The following NFIB variants were observed in gnomAD, a reference collection of about 807,000 sequenced individuals.
NFIB encodes nuclear factor 1 B-type.
NFIB carries 11 observed loss-of-function variants against 61.5 expected under a neutral mutation model. The observed-to-expected ratio is 0.18, with a 90% confidence interval of 0.11 to 0.30. The LOEUF (loss-of-function observed/expected upper bound fraction) is 0.30. Among genes scored for constraint, NFIB ranks in the 10% least tolerant of loss-of-function variants. The pLI, the probability that NFIB is intolerant of heterozygous loss-of-function variation, is 1.00. For missense variants in NFIB, 471 were observed against 608.9 expected, an observed-to-expected ratio of 0.77 and a Z score of 2.38; for synonymous variants, 260 against 216.5, an observed-to-expected ratio of 1.20 and a Z score of -1.76.
the NFIB span, among the ~76,000 whole-genome samples, chr9:14,512,777 T>C: frequency 4.6e-5 from 7 of 152,124 alleles, no homozygotes; most frequent in Admixed American, 2.0e-4. Flanking sequence ...TTTTCCTACC[T>C]CCCGTCTTTC....
chr9:14,503,124 A>ATGTG, the NFIB span, among the ~76,000 whole-genome samples: 6 of 148,180 alleles, frequency 4.0e-5, no homozygotes, highest in African/African-American at 1.5e-4. Flanking sequence ...ATGTGTGTGT[A>ATGTG]TGTGTGTGTG....
chr9:14,315,229 G>C (rs959092755), upstream of NFIB, among the ~76,000 whole-genome samples: 1 of 151,542 alleles, frequency 6.6e-6, no homozygotes, highest in East Asian at 2.0e-4. Flanking sequence ...GGTTCGTCCC[G>C]GGTCTGCCCA....
intron 6 of NFIB, among the ~76,000 whole-genome samples, chr9:14,135,447 G>T (rs1423921153): frequency 6.6e-6 from 1 of 152,188 alleles, no homozygotes; most frequent in Admixed American, 6.5e-5. Context: ...TGAAAATACA[G>T]TGAAGAAAAA....
At chr9:14,134,144 A>C (rs2040727057) in intron 6 of NFIB, among the ~76,000 whole-genome samples, 2 of 152,208 alleles carry the variant, frequency 1.3e-5, no homozygotes, top group Non-Finnish European at 2.9e-5. Context: ...AATGTTCTAT[A>C]AATTTCTGTC....
At chr9:14,200,076 C>G (rs988725321) in intron 2 of NFIB, among the ~76,000 whole-genome samples, 2 of 152,126 alleles carry the variant, frequency 1.3e-5, no homozygotes, top group African/African-American at 4.8e-5. Context: ...GCCCCTAGGT[C>G]TGAAGGCCTG....
the NFIB span, among the ~76,000 whole-genome samples, chr9:14,472,714 G>A: frequency 2.0e-5 from 3 of 151,878 alleles, no homozygotes; most frequent in Admixed American, 6.6e-5. Flanking sequence ...CGTGGCGGGC[G>A]CCTGTAGTCC....
chr9:14,139,674 T>C (rs538334099), intron 6 of NFIB, among the ~76,000 whole-genome samples: 1 of 152,304 alleles, frequency 6.6e-6, no homozygotes, highest in Admixed American at 6.5e-5. Context: ...CCTTCTAACA[T>C]GTATACAAGT....
intron 2 of NFIB, among the ~76,000 whole-genome samples, chr9:14,218,898 C>A (rs2051280268): frequency 6.6e-6 from 1 of 152,126 alleles, no homozygotes; most frequent in Non-Finnish European, 1.5e-5. Flanking sequence ...ATTTGTTTAC[C>A]TTACTCTTCG....
At chr9:14,188,112 A>G (rs751132038) in intron 2 of NFIB, among the ~76,000 whole-genome samples, 2 of 152,220 alleles carry the variant, frequency 1.3e-5, no homozygotes, top group Non-Finnish European at 2.9e-5. Context: ...ACAGAATGCA[A>G]AAACACCGTA....
chr9:14,460,210 C>A, the NFIB span, among the ~76,000 whole-genome samples: 1 of 152,258 alleles, frequency 6.6e-6, no homozygotes, highest in African/African-American at 2.4e-5. Context: ...GAGTTCATGT[C>A]CTTTGTAGGG....
intron 10 of NFIB, among the ~76,000 whole-genome samples, chr9:14,100,583 G>C (rs576311438): frequency 6.6e-6 from 1 of 152,156 alleles, no homozygotes; most frequent in Non-Finnish European, 1.5e-5. Context: ...GGTGGCGGGC[G>C]CCTGTAGTCC....
chr9:14,508,030 A>G, the NFIB span, among the ~76,000 whole-genome samples: 1 of 151,820 alleles, frequency 6.6e-6, no homozygotes, highest in Non-Finnish European at 1.5e-5. Flanking sequence ...AACCTGTGTC[A>G]CACAGAAGGG....
In NFIB at chr9:14,307,248, G is replaced by A; in HGVS notation, c.303C>T (p.His101=). Residue 101 remains histidine, a synonymous_variant, in exon 2 of 11, where the codon CAC becomes CAT. Coordinates refer to ENST00000380953, the MANE Select transcript of NFIB (RefSeq NM_001190737.2). The surrounding 1 kb of genome is among the most constrained non-coding windows in gnomAD (Gnocchi z 5.3). ...DFVLTVTGKK[H]PCCVLSNPDQ... ...CGGGATTGGATAAGACACAGCACGG[G>A]TGCTTCTTGCCAGTCACGGTGAGCA... 1 of 1,613,976 alleles carries A rather than the reference G, an allele frequency of 6.2e-7. No homozygotes were observed. Among genetic ancestry groups the A allele is most frequent in the Non-Finnish European group, 8.5e-7 (1 of 1,180,016 alleles).
chr9:14,413,592 T>C, the NFIB span, among the ~76,000 whole-genome samples: 1 of 152,218 alleles, frequency 6.6e-6, no homozygotes, highest in South Asian at 2.1e-4. Context: ...GTTGGCAGAA[T>C]CTGAATGGGG....
At chr9:14,373,120 C>G (rs563155826) in intron 1 of NFIB, among the ~76,000 whole-genome samples, 53 of 152,210 alleles carry the variant, frequency 3.5e-4, no homozygotes, top group Middle Eastern at 6.8e-3. Flanking sequence ...AAAGGGAACA[C>G]TGGAGAAGGG....
intron 1 of NFIB, among the ~76,000 whole-genome samples, chr9:14,344,396 T>C (rs1018369447): frequency 2.0e-5 from 3 of 148,100 alleles, no homozygotes; most frequent in African/African-American, 7.6e-5. Flanking sequence ...GTGTCTAGTC[T>C]ATTGTTGTCT....
intron 3 of NFIB, among the ~76,000 whole-genome samples, chr9:14,176,242 A>G (rs1236573792): frequency 1.5e-5 from 2 of 137,820 alleles, no homozygotes; most frequent in Admixed American, 1.6e-4. Flanking sequence ...ATTGCTTAGG[A>G]GGGATTAACT....
At chr9:14,156,099 T>C (rs899136666) in intron 3 of NFIB, among the ~76,000 whole-genome samples, 1 of 152,210 alleles carries the variant, frequency 6.6e-6, no homozygotes, top group Admixed American at 6.5e-5. Context: ...AATAATCTCT[T>C]AGGAAAATTT....
At chr9:14,148,789 T>A (rs1036454061) in intron 5 of NFIB, among the ~76,000 whole-genome samples, 23 of 152,210 alleles carry the variant, frequency 1.5e-4, no homozygotes, top group Admixed American at 1.2e-3. Flanking sequence ...TCTCAGAGTA[T>A]TAACGATGTA....
Sources: allele counts gnomAD v4.1 joint callset (sites outside exome capture counted in the v4.1 genomes callset), GRCh38; gene constraint gnomAD v4.1.1; non-coding constraint Gnocchi (gnomAD v3.1); transcripts MANE v1.5; gene names NCBI Gene and HGNC (gene_info 2026-07-23, HGNC 2026-07-21).